The following EBF1 variants were observed in gnomAD, a reference collection of about 807,000 sequenced individuals.
EBF1 encodes EBF transcription factor 1.
Under a neutral mutation model 68.4 loss-of-function variants are expected in EBF1, and 10 were observed. That is an observed-to-expected ratio of 0.15 (90% CI 0.09 to 0.25). EBF1 has a LOEUF of 0.25. Among genes scored for constraint, EBF1 ranks in the 10% least tolerant of loss-of-function variants. The probability of loss-of-function intolerance (pLI) is 1.00; values close to 1 mark genes in which losing one functional copy is unlikely to be tolerated. For missense variants in EBF1, 509 were observed against 794.4 expected, an observed-to-expected ratio of 0.64 and a Z score of 4.32; for synonymous variants, 298 against 299.8, an observed-to-expected ratio of 0.99 and a Z score of 0.06.
At chr5:159,006,336 A>T (rs950100290) in intron 6 of EBF1, among the ~76,000 whole-genome samples, 2 of 152,066 alleles carry the variant, frequency 1.3e-5, no homozygotes, top group Non-Finnish European at 2.9e-5. Context: ...TTTAGTGGGG[A>T]TGACACCATG....
At chr5:159,094,560 T>G (rs1782239768) in intron 4 of EBF1, among the ~76,000 whole-genome samples, 1 of 152,188 alleles carries the variant, frequency 6.6e-6, no homozygotes, top group Admixed American at 6.5e-5. Context: ...TAAAAATAAT[T>G]TTTAAATATG....
At chr5:158,913,996 T>C (rs931902650) in intron 6 of EBF1, among the ~76,000 whole-genome samples, 3 of 152,308 alleles carry the variant, frequency 2.0e-5, no homozygotes, top group South Asian at 2.1e-4. Flanking sequence ...TAAGACCAGA[T>C]ATCAATAATT....
At chr5:158,902,629 T>C (rs1172532607) in intron 6 of EBF1, among the ~76,000 whole-genome samples, 3 of 149,490 alleles carry the variant, frequency 2.0e-5, no homozygotes, top group Non-Finnish European at 3.0e-5. Flanking sequence ...ATCATTATTA[T>C]TATTATTATT....
chr5:158,780,811 A>T (rs1776319440), intron 9 of EBF1, among the ~76,000 whole-genome samples: 1 of 152,176 alleles, frequency 6.6e-6, no homozygotes, highest in Non-Finnish European at 1.5e-5. Flanking sequence ...AAGGAGACTA[A>T]CTTTCTCACA....
chr5:158,916,987 T>C (rs1273739459), intron 6 of EBF1, among the ~76,000 whole-genome samples: 1 of 152,196 alleles, frequency 6.6e-6, no homozygotes, highest in Non-Finnish European at 1.5e-5. Flanking sequence ...ACCATTTATT[T>C]AGAGCTCAGT....
At chr5:158,701,199 T>G (rs1756691499) in intron 15 of EBF1, among the ~76,000 whole-genome samples, 9 of 152,126 alleles carry the variant, frequency 5.9e-5, no homozygotes, top group Admixed American at 5.9e-4. Flanking sequence ...CCAAAATCTA[T>G]TCTGCGTGCC....
chr5:158,941,145 G>A, intron 6 of EBF1: 1 of 455,136 alleles, frequency 2.2e-6, no homozygotes, highest in South Asian at 1.6e-5. Flanking sequence ...ATGGCACGTG[G>A]GGCTTTTCTG....
chr5:158,754,791 C>T (rs1252988123), intron 10 of EBF1, among the ~76,000 whole-genome samples: 1 of 152,060 alleles, frequency 6.6e-6, no homozygotes, highest in African/African-American at 2.4e-5. Context: ...TAATAAGCAC[C>T]TTATTTTGCT....
chr5:158,952,115 G>A (rs775906821), intron 6 of EBF1, among the ~76,000 whole-genome samples: 31 of 152,068 alleles, frequency 2.0e-4, no homozygotes, highest in Non-Finnish European at 4.0e-4. Flanking sequence ...GGGCCAGGCC[G>A]GCCTCTCAGT....
chr5:158,762,757 G>A (rs1042071050), intron 10 of EBF1, among the ~76,000 whole-genome samples: 3 of 152,028 alleles, frequency 2.0e-5, no homozygotes, highest in Non-Finnish European at 2.9e-5. Context: ...GGATGGTCTC[G>A]ATCTCCTGAC....
chr5:158,943,733 T>C (rs1814011398), intron 6 of EBF1, among the ~76,000 whole-genome samples: 4 of 152,126 alleles, frequency 2.6e-5, no homozygotes, highest in Middle Eastern at 6.8e-3. Flanking sequence ...TCAACTGAAA[T>C]GGGAAACAGA....
chr5:158,855,124 C>T (rs1396701533), intron 6 of EBF1, among the ~76,000 whole-genome samples: 1 of 152,172 alleles, frequency 6.6e-6, no homozygotes, highest in Non-Finnish European at 1.5e-5. Context: ...AGTAAAACCA[C>T]GTGATAAGAG....
chr5:159,084,579 A>T (rs1297847283), intron 5 of EBF1, 87 bp downstream of exon 5: 48 of 1,237,494 alleles, frequency 3.9e-5, no homozygotes, highest in Non-Finnish European at 4.7e-5. Flanking sequence ...ACCAAAAAAA[A>T]AAAAAAAGAC....
intron 6 of EBF1, among the ~76,000 whole-genome samples, chr5:159,003,335 A>T (rs1239362937): frequency 1.3e-5 from 2 of 152,214 alleles, no homozygotes; most frequent in African/African-American, 4.8e-5. Flanking sequence ...GTTCCTGTAC[A>T]GATTTTCTTG....
intron 6 of EBF1, among the ~76,000 whole-genome samples, chr5:158,937,068 G>A (rs986156832): frequency 2.0e-5 from 3 of 151,916 alleles, no homozygotes; most frequent in Non-Finnish European, 2.9e-5. Flanking sequence ...GTCTCTCGGT[G>A]GCCTAAATTC....
chr5:158,945,289 C>A (rs1561588634), intron 6 of EBF1, among the ~76,000 whole-genome samples: 1 of 152,140 alleles, frequency 6.6e-6, no homozygotes, highest in Non-Finnish European at 1.5e-5. Flanking sequence ...TTTCTGCATA[C>A]AGCTGGACAG....
intron 6 of EBF1, among the ~76,000 whole-genome samples, chr5:159,032,150 T>C (rs1232708442): frequency 6.6e-6 from 1 of 152,134 alleles, no homozygotes; most frequent in Non-Finnish European, 1.5e-5. Context: ...TTCTGAAGAA[T>C]AACAATAGAA....
chr5:159,075,350 G>A (rs1471917171), intron 5 of EBF1, among the ~76,000 whole-genome samples: 1 of 152,146 alleles, frequency 6.6e-6, no homozygotes, highest in Non-Finnish European at 1.5e-5. Flanking sequence ...AGAAGCAGCA[G>A]GTCTCCAAAA....
chr5:159,013,829 A>G (rs1765124485), intron 6 of EBF1, among the ~76,000 whole-genome samples: 1 of 152,190 alleles, frequency 6.6e-6, no homozygotes, highest in Non-Finnish European at 1.5e-5. Context: ...TCCCAAGCAA[A>G]GGTGTTCAAT....
Sources: gnomAD v4.1 joint callset for allele counts (sites outside exome capture counted in the v4.1 genomes callset) on GRCh38, gnomAD v4.1.1 for gene constraint, MANE v1.5 for transcripts, NCBI Gene and HGNC (gene_info 2026-07-23, HGNC 2026-07-21) for gene names.